ADCY2: variants seen among roughly 807,000 people sequenced by gnomAD.
The protein encoded by ADCY2 is adenylate cyclase type 2.
ADCY2 carries 31 observed loss-of-function variants against 125.2 expected under a neutral mutation model. The observed-to-expected ratio is 0.25, with a 90% confidence interval of 0.19 to 0.33. The LOEUF is 0.33. Ranked by LOEUF, ADCY2 falls within the 10% of genes least tolerant of loss-of-function variation. The pLI is 1.00. For missense variants in ADCY2, 904 were observed against 1,418.2 expected, an observed-to-expected ratio of 0.64 and a Z score of 5.82; for synonymous variants, 512 against 548.4, an observed-to-expected ratio of 0.93 and a Z score of 0.93.
intron 3 of ADCY2, among the ~76,000 whole-genome samples, chr5:7,536,707 A>G (rs1201624732): frequency 6.6e-6 from 1 of 151,904 alleles, no homozygotes; most frequent in Non-Finnish European, 1.5e-5. Flanking sequence ...AGTGTTTTTC[A>G]TTCTCAGCGA....
intron 3 of ADCY2, among the ~76,000 whole-genome samples, chr5:7,556,091 T>C (rs1465437353): frequency 6.6e-6 from 1 of 152,174 alleles, no homozygotes; most frequent in East Asian, 1.9e-4. Context: ...GCTACCATAT[T>C]GGGTGCTTGA....
At chr5:7,430,529 T>TATATACACTATATATATAGTATATCG (rs1561021380) in intron 2 of ADCY2, among the ~76,000 whole-genome samples, 9 of 145,492 alleles carry the variant, frequency 6.2e-5, no homozygotes, top group African/African-American at 2.1e-4. Flanking sequence ...TATGTATATA[T>TATATACACTATATATATAGTATATCG]ATATACTATA....
At chr5:7,656,158 G>A (rs1326273519) in intron 4 of ADCY2, among the ~76,000 whole-genome samples, 3 of 151,182 alleles carry the variant, frequency 2.0e-5, no homozygotes, top group Admixed American at 6.6e-5. Context: ...GGGTTCAAGC[G>A]ATTATCCTGC....
intron 3 of ADCY2, among the ~76,000 whole-genome samples, chr5:7,617,352 A>G (rs1439823870): frequency 3.3e-5 from 5 of 152,236 alleles, no homozygotes; most frequent in Non-Finnish European, 7.3e-5. Context: ...AGCCGTCTGC[A>G]AGCCAAGGAG....
At chr5:7,816,536 C>T (rs1403229798) in intron 22 of ADCY2, among the ~76,000 whole-genome samples, 1 of 152,220 alleles carries the variant, frequency 6.6e-6, no homozygotes, top group Non-Finnish European at 1.5e-5. Context: ...GGGAAGAAGG[C>T]GCCAGCCCCT....
intron 18 of ADCY2, among the ~76,000 whole-genome samples, chr5:7,777,738 G>C (rs1308691729): frequency 6.6e-6 from 1 of 152,200 alleles, no homozygotes; most frequent in Non-Finnish European, 1.5e-5. Context: ...AATGGAGTTG[G>C]CAGCGGAAAA....
chr5:7,418,345 C>T (rs1035248078), intron 2 of ADCY2, among the ~76,000 whole-genome samples: 10 of 152,230 alleles, frequency 6.6e-5, no homozygotes, highest in East Asian at 1.9e-4. Flanking sequence ...CTCAACCTGC[C>T]GCCTGGGGAT....
At chr5:7,509,317 A>G (rs1049552781) in intron 2 of ADCY2, among the ~76,000 whole-genome samples, 1 of 152,220 alleles carries the variant, frequency 6.6e-6, no homozygotes, top group African/African-American at 2.4e-5. Flanking sequence ...AATCAGGATT[A>G]GGAGAAGAGG....
intron 3 of ADCY2, among the ~76,000 whole-genome samples, chr5:7,564,525 CCCAGCTGGCGGGTATTAAAA>C (rs1201764946): frequency 1.3e-5 from 2 of 152,130 alleles, no homozygotes; most frequent in East Asian, 3.9e-4. Flanking sequence ...TTCAAGGCCA[CCCAGCTGGCGGGTATTAAAA>C]CTGGAAGCCC....
At chr5:7,581,036 A>T (rs531271422) in intron 3 of ADCY2, among the ~76,000 whole-genome samples, 8 of 152,364 alleles carry the variant, frequency 5.3e-5, no homozygotes, top group African/African-American at 1.4e-4. Context: ...TAAGAGCATT[A>T]TTCACCAGCA....
chr5:7,702,461 G>A (rs562734395), intron 7 of ADCY2, among the ~76,000 whole-genome samples: 42 of 151,570 alleles, frequency 2.8e-4, no homozygotes, highest in African/African-American at 9.7e-4. Context: ...TCCCACCTAT[G>A]AGTGAGAACA....
At position 7,535,348 on chromosome 5, in the gene ADCY2, A is replaced by G. The variant is rs375806312; in HGVS notation, c.570+14449A>G. The stretch of plus-strand genomic sequence containing the variant: ...ACAGTTTTATTTGCAGTGAGTACAC[A>G]TAGTATTAAATGGATGCATGATTGA... On this transcript the variant is annotated intron_variant, in intron 3 of 24. Coordinates refer to ENST00000338316, the MANE Select transcript of ADCY2 (RefSeq NM_020546.3). Among the ~76,000 whole-genome samples, 18 of 152,242 alleles carry G rather than the reference A, an allele frequency of 1.2e-4. 1 individual carries two copies. The highest frequency in any genetic ancestry group is 1.2e-3 in the Admixed American group (18 of 15,278).
intron 3 of ADCY2, among the ~76,000 whole-genome samples, chr5:7,600,207 G>A (rs1428118056): frequency 4.6e-5 from 7 of 152,274 alleles, no homozygotes; most frequent in African/African-American, 7.2e-5. Context: ...GGCATGGAGT[G>A]GAATCTGGAG....
At chr5:7,817,126 G>A in intron 23 of ADCY2, 146 bp downstream of exon 23, 1 of 658,066 alleles carries the variant, frequency 1.5e-6, no homozygotes, top group South Asian at 2.0e-5. Context: ...CAGAAGGAAG[G>A]ACACTTTTGA....
At chr5:7,764,880 C>A (rs1232253921) in intron 16 of ADCY2, among the ~76,000 whole-genome samples, 1 of 152,076 alleles carries the variant, frequency 6.6e-6, no homozygotes, top group Admixed American at 6.6e-5. Flanking sequence ...CTTTAAAATG[C>A]AAAGAAGACG....
At chr5:7,547,185 G>T (rs1245945630) in intron 3 of ADCY2, among the ~76,000 whole-genome samples, 1 of 152,220 alleles carries the variant, frequency 6.6e-6, no homozygotes, top group Non-Finnish European at 1.5e-5. Context: ...ACCCACAGCA[G>T]AGACTGCTGG....
At chr5:7,631,734 A>AG (rs1738316566) in intron 4 of ADCY2, among the ~76,000 whole-genome samples, 1 of 152,180 alleles carries the variant, frequency 6.6e-6, no homozygotes, top group South Asian at 2.1e-4. Context: ...AGGCATGGGG[A>AG]GGGTTTGATG....
chr5:7,765,925 G>A (rs1015533419), intron 16 of ADCY2, among the ~76,000 whole-genome samples: 1 of 152,134 alleles, frequency 6.6e-6, no homozygotes, highest in Non-Finnish European at 1.5e-5. Flanking sequence ...CTGTAGGACA[G>A]ACAGCGAGCG....
chr5:7,434,347 A>G (rs1185992925), intron 2 of ADCY2, among the ~76,000 whole-genome samples: 2 of 152,246 alleles, frequency 1.3e-5, no homozygotes, highest in Non-Finnish European at 2.9e-5. Context: ...GAAAGGAATA[A>G]AGTACATCTG....
Sources: gnomAD v4.1 joint callset for allele counts (sites outside exome capture counted in the v4.1 genomes callset) on GRCh38, gnomAD v4.1.1 for gene constraint, MANE v1.5 for transcripts, NCBI Gene and HGNC (gene_info 2026-07-23, HGNC 2026-07-21) for gene names.